The following BAZ1A variants were observed in gnomAD, a reference collection of about 807,000 sequenced individuals.
BAZ1A encodes bromodomain adjacent to zinc finger domain 1A, also known as bromodomain adjacent to zinc finger domain protein 1A.
BAZ1A carries 50 observed loss-of-function variants against 185.2 expected under a neutral mutation model. The ratio of observed to expected loss-of-function variants is 0.27; its 90% confidence interval spans 0.22 to 0.34. BAZ1A has a LOEUF of 0.34. Ranked by LOEUF, BAZ1A falls within the 10% of genes least tolerant of loss-of-function variation. The probability of loss-of-function intolerance (pLI) is 1.00; values close to 1 mark genes in which losing one functional copy is unlikely to be tolerated. For missense variants in BAZ1A, 1,356 were observed against 1,839.9 expected, an observed-to-expected ratio of 0.74 and a Z score of 4.81; for synonymous variants, 571 against 615.6, an observed-to-expected ratio of 0.93 and a Z score of 1.07.
At chr14:34,761,663 C>T in intron 24 of BAZ1A, 94 bp downstream of exon 24, 6 of 1,149,672 alleles carry the variant, frequency 5.2e-6, no homozygotes, top group South Asian at 3.1e-5. Flanking sequence ...ATCTTAGTGA[C>T]AGACTTTAAA....
chr14:34,833,985 A>G (rs1375391456), intron 3 of BAZ1A, among the ~76,000 whole-genome samples: 2 of 152,226 alleles, frequency 1.3e-5, no homozygotes, highest in African/African-American at 4.8e-5. Context: ...AAAGAACTGC[A>G]GGCTGACTTT....
intron 3 of BAZ1A, among the ~76,000 whole-genome samples, chr14:34,853,228 T>C (rs1229045747): frequency 1.3e-5 from 2 of 152,204 alleles, no homozygotes; most frequent in African/African-American, 4.8e-5. Context: ...TCTAAGGAAG[T>C]AGCAGAGAAC....
At chr14:34,797,759 T>A (rs1198119800) in intron 9 of BAZ1A, among the ~76,000 whole-genome samples, 1 of 152,162 alleles carries the variant, frequency 6.6e-6, no homozygotes, top group African/African-American at 2.4e-5. Context: ...AGACGGTGAT[T>A]TCTGCATTTC....
chr14:34,844,221 A>T (rs2042466873), intron 3 of BAZ1A, among the ~76,000 whole-genome samples: 1 of 142,266 alleles, frequency 7.0e-6, no homozygotes, highest in African/African-American at 2.5e-5. Flanking sequence ...AAAAAAAAAA[A>T]AAAAAAAAAA....
intron 9 of BAZ1A, among the ~76,000 whole-genome samples, chr14:34,799,528 G>A (rs1434031630): frequency 6.6e-6 from 1 of 152,000 alleles, no homozygotes; most frequent in Non-Finnish European, 1.5e-5. Context: ...AATTCTCTAA[G>A]GAATATGTAT....
chr14:34,782,538 A>T lies in BAZ1A; in HGVS notation c.2111+581T>A, dbSNP rs190531186. Among the ~76,000 whole-genome samples the T allele has an allele frequency of 7.7e-4, 117 of 152,204 alleles. No homozygotes were observed. In the Middle Eastern group the frequency reaches 0.01, roughly 13 times the overall value. ...AGAATTCTTTCATATTCTGGATACA[A>T]GTCCCTTATCAGATATATGATTTGC... is the stretch of plus-strand genomic sequence containing the variant. On this transcript the variant is annotated intron_variant, in intron 16 of 26. Coordinates refer to ENST00000360310, the MANE Select transcript of BAZ1A (RefSeq NM_013448.3).
At chr14:34,796,056 T>C (rs77319708) in intron 9 of BAZ1A, among the ~76,000 whole-genome samples, 3 of 152,054 alleles carry the variant, frequency 2.0e-5, no homozygotes, top group Non-Finnish European at 4.4e-5. Context: ...TCCCAGCACT[T>C]TGGGAGTCAG....
intron 3 of BAZ1A, among the ~76,000 whole-genome samples, chr14:34,835,406 A>C (rs1043416484): frequency 2.6e-5 from 4 of 151,896 alleles, no homozygotes; most frequent in Non-Finnish European, 4.4e-5. Context: ...CAGTAATGGT[A>C]CAGCCAAAAC....
intron 4 of BAZ1A, among the ~76,000 whole-genome samples, chr14:34,814,633 C>T (rs569569506): frequency 1.3e-5 from 2 of 151,738 alleles, no homozygotes; most frequent in Non-Finnish European, 2.9e-5. Context: ...CCATGCCCGG[C>T]TAATTTTTTG....
chr14:34,772,555 G>A (rs1879295675), intron 20 of BAZ1A, among the ~76,000 whole-genome samples: 5 of 152,002 alleles, frequency 3.3e-5, no homozygotes, highest in Admixed American at 3.3e-4. Flanking sequence ...AAATAATCTT[G>A]AAAAAATAAA....
rs1475549099 is a variant in BAZ1A, at chr14:34,836,105, C to G, written c.393-9949G>C. ...ATTATAAAACTTTCTATAGGCCGGG[C>G]GCGGTGGCTCACGCCTGTAATCCCA... is the stretch of plus-strand genomic sequence containing the variant. On this transcript the variant is annotated intron_variant, in intron 3 of 26. Coordinates refer to ENST00000360310, the MANE Select transcript of BAZ1A (RefSeq NM_013448.3). Among the ~76,000 whole-genome samples, 2 of 94,216 alleles carry G rather than the reference C, an allele frequency of 2.1e-5. 1 individual carries two copies. The highest frequency in any genetic ancestry group is 2.2e-4 in the Admixed American group (2 of 8,898). 61.8% of individuals were successfully genotyped at this position (94,216 alleles called of 152,430 possible). A position where few individuals can be genotyped will look rare whatever the true frequency, so the allele number is the denominator to read the frequency against.
rs2043013266 is a variant in BAZ1A, at chr14:34,874,651, G to A, written c.-47C>T. On this transcript the variant is annotated 5_prime_UTR_variant, in exon 2 of 27. Transcript: ENST00000360310. This position sits in a 1 kb window ranked among gnomAD's most constrained non-coding sequence, Gnocchi z 4.7. ...GCCTGGACCCTCGGCCGCCCGCGCCGGCCCCGCTTCCCTATCAAAATTGGA... is the reference window on the plus strand; with the variant it reads ...GCCTGGACCCTCGGCCGCCCGCGCCAGCCCCGCTTCCCTATCAAAATTGGA... The A allele has an allele frequency of 2.0e-6, 3 of 1,500,710 alleles. No homozygotes were observed. The highest frequency in any genetic ancestry group is 1.9e-5 in the Admixed American group (1 of 53,342). 93.0% of individuals were successfully genotyped at this position (1,500,710 alleles called of 1,614,324 possible).
At chr14:34,833,459 C>T (rs749082724) in intron 3 of BAZ1A, among the ~76,000 whole-genome samples, 6 of 152,032 alleles carry the variant, frequency 3.9e-5, no homozygotes, top group Admixed American at 6.6e-5. Context: ...ACCCAGGAGG[C>T]GGAGGTTGCA....
At chr14:34,851,783 A>G (rs1006586843) in intron 3 of BAZ1A, among the ~76,000 whole-genome samples, 1 of 152,086 alleles carries the variant, frequency 6.6e-6, no homozygotes, top group Non-Finnish European at 1.5e-5. Context: ...AAGTAAAAAA[A>G]AAAGGAAATA....
chr14:34,825,937 C>CAA (rs35525726), intron 4 of BAZ1A, 76 bp downstream of exon 4: 2,658 of 1,241,346 alleles, frequency 2.1e-3, no homozygotes, highest in Middle Eastern at 3.5e-3. Context: ...AACTCTATCT[C>CAA]AAAAAAAAAG....
At chr14:34,829,806 ACTT>A (rs1488388615) in intron 3 of BAZ1A, among the ~76,000 whole-genome samples, 2 of 152,104 alleles carry the variant, frequency 1.3e-5, no homozygotes, top group African/African-American at 2.4e-5. Context: ...CCCTGACCAC[ACTT>A]CTTCTCTGTC....
At chr14:34,842,908 C>G (rs904054107) in intron 3 of BAZ1A, among the ~76,000 whole-genome samples, 1 of 151,922 alleles carries the variant, frequency 6.6e-6, no homozygotes, top group Non-Finnish European at 1.5e-5. Flanking sequence ...TACATGTATG[C>G]TCTCCCAAAG....
At chr14:34,869,207 A>C (rs892074119) in intron 2 of BAZ1A, among the ~76,000 whole-genome samples, 9 of 151,974 alleles carry the variant, frequency 5.9e-5, no homozygotes, top group South Asian at 2.1e-4. Context: ...ACTCCGTCTC[A>C]AAATAAATAA....
chr14:34,838,254 A>G (rs2042358395), intron 3 of BAZ1A, among the ~76,000 whole-genome samples: 2 of 152,222 alleles, frequency 1.3e-5, no homozygotes, highest in African/African-American at 2.4e-5. Context: ...GGTGTGCTAG[A>G]TATTTATTAA....
Sources: allele counts gnomAD v4.1 joint callset (sites outside exome capture counted in the v4.1 genomes callset), GRCh38; gene constraint gnomAD v4.1.1; non-coding constraint Gnocchi (gnomAD v3.1); transcripts MANE v1.5; gene names NCBI Gene and HGNC (gene_info 2026-07-23, HGNC 2026-07-21).